JARID2: variants seen among roughly 807,000 people sequenced by gnomAD.
JARID2 encodes the protein jumonji and AT-rich interaction domain containing 2.
In JARID2, 21 loss-of-function variants were observed where a neutral mutation model predicts 125.6. The ratio of observed to expected loss-of-function variants is 0.17; its 90% CI spans 0.12 to 0.24. The LOEUF (loss-of-function observed/expected upper bound fraction) is 0.24, where lower values mean the gene tolerates loss of function less well. Among genes scored for constraint, JARID2 ranks in the 10% least tolerant of loss-of-function variants. The probability of loss-of-function intolerance (pLI) is 1.00; values close to 1 mark genes in which losing one functional copy is unlikely to be tolerated. For synonymous variants in JARID2, 736 were observed against 661.6 expected (o/e 1.11, Z -1.73); for missense variants, 1,303 against 1,639.6 (o/e 0.79, Z 3.55).
chr6:15,457,627 C>G (rs572650128), intron 4 of JARID2, among the ~76,000 whole-genome samples: 6 of 146,130 alleles, frequency 4.1e-5, no homozygotes, highest in Non-Finnish European at 9.0e-5. Context: ...TTTCCCTTCT[C>G]CAGTCCTCAA....
intron 5 of JARID2, among the ~76,000 whole-genome samples, chr6:15,469,280 C>T (rs1768905891): frequency 1.2e-5 from 1 of 84,608 alleles, no homozygotes; most frequent in African/African-American, 4.7e-5. Flanking sequence ...CTCTCTGTCT[C>T]TCTGTCTCTG....
intron 1 of JARID2, among the ~76,000 whole-genome samples, chr6:15,267,211 G>C (rs1760118890): frequency 6.6e-6 from 1 of 152,154 alleles, no homozygotes; most frequent in Non-Finnish European, 1.5e-5. Flanking sequence ...TGGGCTTCCT[G>C]GAGTGTTATT....
chr6:15,396,982 A>C (rs753677296), intron 2 of JARID2, among the ~76,000 whole-genome samples: 3 of 152,190 alleles, frequency 2.0e-5, no homozygotes, highest in Admixed American at 1.3e-4. Flanking sequence ...CATGTTAGCT[A>C]TCGGGCCAGC....
chr6:15,349,063 C>G lies in JARID2; in HGVS notation c.46-25054C>G, dbSNP rs193041523. Among the ~76,000 whole-genome samples the G allele has an allele frequency of 2.0e-5, 3 of 152,272 alleles. No individual in the cohort carries two copies. The East Asian group carries it at 5.8e-4, about 29-fold the overall frequency. ...AATGTTTTCACTGAGATTCCTGAAA[C>G]CATATTGCAACATGAGTTTCCCTCT... is the stretch of plus-strand genomic sequence containing the variant. On this transcript the variant is annotated intron_variant, in intron 1 of 17. Coordinates refer to ENST00000341776, the MANE Select transcript of JARID2 (RefSeq NM_004973.4).
intron 1 of JARID2, among the ~76,000 whole-genome samples, chr6:15,342,284 A>G (rs573069271): frequency 4.6e-5 from 7 of 152,252 alleles, no homozygotes; most frequent in African/African-American, 1.7e-4. Context: ...TACTGTAAAC[A>G]TCTATTGTCT....
At chr6:15,435,756 T>A (rs1297602721) in intron 3 of JARID2, among the ~76,000 whole-genome samples, 1 of 152,152 alleles carries the variant, frequency 6.6e-6, no homozygotes, top group Non-Finnish European at 1.5e-5. Context: ...TAATTTGAAA[T>A]CGAGTAGATT....
intron 1 of JARID2, among the ~76,000 whole-genome samples, chr6:15,310,467 C>T (rs1328000904): frequency 4.6e-5 from 7 of 152,138 alleles, no homozygotes; most frequent in South Asian, 2.1e-4. Context: ...TAGGAAAATG[C>T]GAGCTGAATT....
chr6:15,386,935 CAG>C (rs1764809244), intron 2 of JARID2, among the ~76,000 whole-genome samples: 2 of 152,194 alleles, frequency 1.3e-5, no homozygotes, highest in African/African-American at 2.4e-5. Context: ...TGTGTAAACT[CAG>C]AGCAGATGGG....
intron 1 of JARID2, among the ~76,000 whole-genome samples, chr6:15,347,228 G>GA (rs1199692156): frequency 3.9e-5 from 6 of 152,248 alleles, no homozygotes; most frequent in Non-Finnish European, 7.4e-5. Flanking sequence ...ATGAGGATAT[G>GA]GGGAAAAGAA....
At chr6:15,386,486 ATGTT>A (rs142233705) in intron 2 of JARID2, among the ~76,000 whole-genome samples, 10 of 151,992 alleles carry the variant, frequency 6.6e-5, no homozygotes, top group Non-Finnish European at 1.2e-4. Flanking sequence ...TACAGTTGAC[ATGTT>A]TGTTTGTTTG....
chr6:15,331,137 A>G (rs762152465), intron 1 of JARID2, among the ~76,000 whole-genome samples: 1 of 151,760 alleles, frequency 6.6e-6, no homozygotes, highest in Non-Finnish European at 1.5e-5. Context: ...CCAGGAGACT[A>G]GCCTGGGTGA....
chr6:15,326,804 C>T (rs911044747), intron 1 of JARID2, among the ~76,000 whole-genome samples: 14 of 152,240 alleles, frequency 9.2e-5, no homozygotes, highest in Admixed American at 2.6e-4. Context: ...TCCAGCACAG[C>T]ATTAATTTTT....
At position 15,371,024 on chromosome 6, in the gene JARID2, G is replaced by T. The variant is rs556359435; in HGVS notation, c.46-3093G>T. On this transcript the variant is annotated intron_variant, in intron 1 of 17. Transcript: ENST00000341776. ...GTAGATTACAAAACACTTGTGTGTT[G>T]TGTGTGTTTTAAGTTTGAATTTTAA... Among the ~76,000 whole-genome samples, 11 of 152,350 alleles carry T rather than the reference G, an allele frequency of 7.2e-5. No homozygotes were observed. The East Asian group carries it at 1.9e-3, about 27-fold the overall frequency.
intron 1 of JARID2, among the ~76,000 whole-genome samples, chr6:15,339,605 G>T (rs1039519412): frequency 6.9e-6 from 1 of 145,272 alleles, no homozygotes; most frequent in East Asian, 2.1e-4. Context: ...GTGCGATCTC[G>T]GCTCACCGCA....
intron 1 of JARID2, among the ~76,000 whole-genome samples, chr6:15,300,813 G>GT (rs1371349106): frequency 6.6e-6 from 1 of 151,728 alleles, no homozygotes; most frequent in African/African-American, 2.4e-5. Flanking sequence ...TCTTAGAGGT[G>GT]TTACAGGATG....
rs754404770 is a variant in JARID2, at chr6:15,439,031, CAAAA to C, written c.324-12961_324-12958del. ...TGGGTGACAGAGCAAGACTCTGTCTCAAAAAAAAAAAAAAAAAGGTGTGGGGGGT... is the reference window on the plus strand; with the variant it reads ...TGGGTGACAGAGCAAGACTCTGTCTCAAAAAAAAAAAAAGGTGTGGGGGGT... On this transcript the variant is annotated intron_variant, in intron 3 of 17. Coordinates refer to ENST00000341776, the MANE Select transcript of JARID2 (RefSeq NM_004973.4). 7.0e-5 allele frequency among the ~76,000 whole-genome samples: 6 copies of C among 85,778 alleles called. No individual in the cohort carries two copies. The East Asian group carries it at 1.4e-3, about 20-fold the overall frequency. The allele number at this position is 85,778 out of a possible 152,430, so 56.3% of individuals were successfully genotyped here. A position where few individuals can be genotyped will look rare whatever the true frequency, so the allele number is the denominator to read the frequency against.
At chr6:15,289,582 CG>C (rs1012688706) in intron 1 of JARID2, among the ~76,000 whole-genome samples, 2 of 151,600 alleles carry the variant, frequency 1.3e-5, no homozygotes, top group African/African-American at 4.8e-5. Flanking sequence ...TAAGGCCGGG[CG>C]CAGTGAGTCA....
intron 1 of JARID2, among the ~76,000 whole-genome samples, chr6:15,278,941 C>T (rs1443904449): frequency 1.3e-5 from 2 of 152,026 alleles, no homozygotes; most frequent in African/African-American, 4.8e-5. Context: ...TGGTGGCATA[C>T]ACCTGTAATC....
chr6:15,381,544 A>C (rs180901043), intron 2 of JARID2, among the ~76,000 whole-genome samples: 13 of 152,254 alleles, frequency 8.5e-5, no homozygotes, highest in Admixed American at 6.5e-5. Context: ...TGCATGAAAG[A>C]AAGCTGGGTG....
Sources: allele counts gnomAD v4.1 joint callset (sites outside exome capture counted in the v4.1 genomes callset), GRCh38; gene constraint gnomAD v4.1.1; transcripts MANE v1.5; gene names NCBI Gene and HGNC (gene_info 2026-07-23, HGNC 2026-07-21).